Variants in CORO2B observed in about 807,000 individuals in gnomAD.
CORO2B encodes the protein coronin 2B.
A neutral mutation model predicts 58.8 loss-of-function variants in CORO2B; 26 were observed. The observed-to-expected ratio is 0.44, with a 90% CI of 0.32 to 0.61. The LOEUF (loss-of-function observed/expected upper bound fraction) is 0.61. Among genes scored for constraint, CORO2B ranks in the 20% least tolerant of loss-of-function variants. CORO2B has a pLI of 0.04. For missense variants in CORO2B, 460 were observed against 645.1 expected, an observed-to-expected ratio of 0.71 and a Z score of 3.11; for synonymous variants, 242 against 253.8, an observed-to-expected ratio of 0.95 and a Z score of 0.44.
At chr15:68,664,592 A>G (rs1302842115) in intron 2 of CORO2B, among the ~76,000 whole-genome samples, 1 of 152,110 alleles carries the variant, frequency 6.6e-6, no homozygotes, top group Non-Finnish European at 1.5e-5. Flanking sequence ...TCTTGCAGTG[A>G]GCCAAGATTG....
intron 2 of CORO2B, among the ~76,000 whole-genome samples, chr15:68,690,874 C>T (rs780571606): frequency 6.6e-6 from 1 of 151,560 alleles, no homozygotes; most frequent in Non-Finnish European, 1.5e-5. Context: ...AGGCTGGTCT[C>T]GAACTCCTGG....
At chr15:68,721,171 C>A (rs1824499092) in intron 11 of CORO2B, among the ~76,000 whole-genome samples, 1 of 82,786 alleles carries the variant, frequency 1.2e-5, no homozygotes, top group African/African-American at 3.6e-5. Flanking sequence ...TGTGAGCCAC[C>A]ACACCTGGCC....
intron 11 of CORO2B, among the ~76,000 whole-genome samples, chr15:68,723,144 CAG>C (rs1893206283): frequency 9.7e-6 from 1 of 103,464 alleles, no homozygotes; most frequent in Non-Finnish European, 1.8e-5. Flanking sequence ...TTTTTTTAGA[CAG>C]AGTCTTGCTC....
chr15:68,677,793 T>C (rs1902637291), intron 2 of CORO2B, among the ~76,000 whole-genome samples: 2 of 152,242 alleles, frequency 1.3e-5, no homozygotes, highest in South Asian at 4.1e-4. Flanking sequence ...GCCTCCCCTC[T>C]CCTGATATGT....
intron 1 of CORO2B, among the ~76,000 whole-genome samples, chr15:68,596,911 C>T (rs1158448267): frequency 2.6e-5 from 4 of 152,174 alleles, no homozygotes; most frequent in African/African-American, 7.2e-5. Flanking sequence ...GCCCATGGAG[C>T]CCATCCTGTG....
chr15:68,705,436 C>CAAAAAAAAAAAAAAAA (rs35973911), intron 3 of CORO2B, among the ~76,000 whole-genome samples: 37 of 112,784 alleles, frequency 3.3e-4, no homozygotes, highest in African/African-American at 1.3e-3. Flanking sequence ...AACTCTATCT[C>CAAAAAAAAAAAAAAAA]AAAAAAAAAA....
intron 11 of CORO2B, among the ~76,000 whole-genome samples, chr15:68,721,811 G>A (rs1893168940): frequency 6.6e-6 from 1 of 152,044 alleles, no homozygotes; most frequent in Non-Finnish European, 1.5e-5. Flanking sequence ...GCTGTGGCAC[G>A]ATCATAGCTC....
chr15:68,639,061 A>G (rs1901124720), intron 1 of CORO2B, among the ~76,000 whole-genome samples: 1 of 152,146 alleles, frequency 6.6e-6, no homozygotes, highest in Non-Finnish European at 1.5e-5. Flanking sequence ...CTCATGAGGG[A>G]GGGTAAGGAC....
At chr15:68,570,310 A>G in the CORO2B span, among the ~76,000 whole-genome samples, 2 of 152,208 alleles carry the variant, frequency 1.3e-5, no homozygotes, top group African/African-American at 4.8e-5. Flanking sequence ...ACTTGCATGT[A>G]AACACAGCAG....
At chr15:68,681,834 A>G (rs979920337) in intron 2 of CORO2B, among the ~76,000 whole-genome samples, 4 of 152,198 alleles carry the variant, frequency 2.6e-5, no homozygotes, top group Non-Finnish European at 4.4e-5. Flanking sequence ...AGGAGCAGAG[A>G]TAACACAGAT....
Position 68,726,062 on chromosome 15 carries a change from G to T in CORO2B, c.*88G>T. ...TCCCTTACCAGTGACCCCAGAGACAGAGCCAGGACAGGAGTGGGGGCCAGC... is the reference window on the plus strand; with the variant it reads ...TCCCTTACCAGTGACCCCAGAGACATAGCCAGGACAGGAGTGGGGGCCAGC... On this transcript the variant is annotated 3_prime_UTR_variant, in exon 12 of 12. Coordinates refer to ENST00000261861, the MANE Select transcript of CORO2B (RefSeq NM_006091.5). The T allele has an allele frequency of 6.4e-7, 1 of 1,557,344 alleles. No individual in the cohort carries two copies. The highest frequency in any genetic ancestry group is 8.7e-7 in the Non-Finnish European group (1 of 1,154,870).
intron 2 of CORO2B, among the ~76,000 whole-genome samples, chr15:68,662,769 T>A (rs1602545): frequency 1.3e-5 from 2 of 152,200 alleles, no homozygotes; most frequent in Non-Finnish European, 2.9e-5. Context: ...GTTTACATTT[T>A]TCTCAACTGC....
Position 68,727,790 on chromosome 15 carries a change from G to A in CORO2B, c.*1816G>A, listed in dbSNP as rs1893340250. 6.6e-6 allele frequency: 1 copy of A among 152,428 alleles called. No homozygotes were observed. Among genetic ancestry groups the A allele is most frequent in the Non-Finnish European group, 1.5e-5 (1 of 68,012 alleles). 9.4% of individuals were successfully genotyped at this position (152,428 alleles called of 1,614,324 possible). ...CCCAAGGATAGAATTGAAATAAAAT[G>A]TTTTCAACTTATCAAACCTGGGCAT... On this transcript the variant is annotated 3_prime_UTR_variant, in exon 12 of 12. Coordinates refer to ENST00000261861, the MANE Select transcript of CORO2B (RefSeq NM_006091.5).
At position 68,645,376 on chromosome 15, in the gene CORO2B, C is replaced by T. The variant is rs760686563; in HGVS notation, c.216+16C>T. The T allele has an allele frequency of 3.7e-6, 6 of 1,607,266 alleles. No homozygotes were observed. The South Asian group carries it at 5.5e-5, about 15-fold the overall frequency. On this transcript the variant is annotated intron_variant, in intron 2 of 11. Transcript: ENST00000261861. This position sits in a 1 kb window ranked among gnomAD's most constrained non-coding sequence, Gnocchi z 4.5. The stretch of plus-strand genomic sequence containing the variant: ...CCTGGAGCAGGTAGGTGGCCCCTAC[C>T]TTCACTCCAGCTGCAGCTCCAGGGC...
intron 1 of CORO2B, among the ~76,000 whole-genome samples, chr15:68,616,364 A>G (rs1274015677): frequency 6.6e-6 from 1 of 152,178 alleles, no homozygotes. Context: ...TCAGAAAAGT[A>G]TTTAGCATTA....
chr15:68,714,570 C>T lies in CORO2B; in HGVS notation c.777C>T (p.Ser259=), dbSNP rs17852399. 0.013 allele frequency: 20,820 copies of T among 1,613,676 alleles called. 555 individuals are homozygous for T. Among genetic ancestry groups the T allele is most frequent in the African/African-American group, 0.11 (8,582 of 74,960 alleles). ...CTCTTCTCCCTCAGGAGGACCTCTCCATGCCCCTGATCGAAGAGGAAATTG... is the reference window on the plus strand; with the variant it reads ...CTCTTCTCCCTCAGGAGGACCTCTCTATGCCCCTGATCGAAGAGGAAATTG... ...QIALWDQEDL[S]MPLIEEEIDG... Residue 259 remains serine, a synonymous_variant, in exon 7 of 12, where the codon TCC becomes TCT. Coordinates refer to ENST00000261861, the MANE Select transcript of CORO2B (RefSeq NM_006091.5).
intron 2 of CORO2B, among the ~76,000 whole-genome samples, chr15:68,664,140 T>C (rs1188982727): frequency 6.6e-6 from 1 of 152,224 alleles, no homozygotes; most frequent in Non-Finnish European, 1.5e-5. Flanking sequence ...GGTGGGTTTA[T>C]GAATGTACAC....
chr15:68,709,172 G>T (rs1048519340), intron 3 of CORO2B, among the ~76,000 whole-genome samples: 1 of 152,048 alleles, frequency 6.6e-6, no homozygotes, highest in African/African-American at 2.4e-5. Context: ...TGCTTATATT[G>T]TATTTTAAGA....
intron 2 of CORO2B, among the ~76,000 whole-genome samples, chr15:68,647,529 A>C (rs969746860): frequency 5.3e-5 from 8 of 151,804 alleles, no homozygotes; most frequent in African/African-American, 1.9e-4. Context: ...GTCTCTACTA[A>C]AAATACAAAA....
Sources: gnomAD v4.1 joint callset for allele counts (sites outside exome capture counted in the v4.1 genomes callset) on GRCh38, gnomAD v4.1.1 for gene constraint, Gnocchi (gnomAD v3.1) non-coding constraint, MANE v1.5 for transcripts, NCBI Gene and HGNC (gene_info 2026-07-23, HGNC 2026-07-21) for gene names.